Variants in SMAD5 observed in about 807,000 individuals in gnomAD.
SMAD5 encodes SMAD family member 5, also known as MAD, mothers against decapentaplegic homolog 5.
In SMAD5, 9 loss-of-function variants were observed where a neutral mutation model predicts 43.1. That is an observed-to-expected ratio of 0.21 (90% CI 0.13 to 0.36). The LOEUF (loss-of-function observed/expected upper bound fraction) is 0.36. Ranked by LOEUF, SMAD5 falls within the 10% of genes least tolerant of loss-of-function variation. The probability of loss-of-function intolerance (pLI) is 1.00; values close to 1 mark genes in which losing one functional copy is unlikely to be tolerated. For missense variants in SMAD5, 348 were observed against 574.0 expected, an observed-to-expected ratio of 0.61 and a Z score of 4.02; for synonymous variants, 190 against 192.4, an observed-to-expected ratio of 0.99 and a Z score of 0.10.
chr5:136,139,768 T>C (rs1322039303), intron 1 of SMAD5, among the ~76,000 whole-genome samples: 1 of 152,200 alleles, frequency 6.6e-6, no homozygotes, highest in Admixed American at 6.5e-5. Context: ...TGATCTTGGC[T>C]CACTGCTACC....
rs78373178 is a variant in SMAD5, at chr5:136,141,347, G to A, written c.-244-6485G>A. 1.5e-3 allele frequency among the ~76,000 whole-genome samples: 227 copies of A among 152,284 alleles called. 3 individuals are homozygous for A. Among genetic ancestry groups the A allele is most frequent in the African/African-American group, 5.2e-3 (216 of 41,572 alleles). Reference sequence around the variant, plus strand: ...CATTTGTAGTAACAGGACACACTGTGAAAAGTGCTAGATACCTGGATTACA... The same window carrying A: ...CATTTGTAGTAACAGGACACACTGTAAAAAGTGCTAGATACCTGGATTACA... On this transcript the variant is annotated intron_variant, in intron 1 of 7. Transcript: ENST00000545279.
rs1210854836 is a variant in SMAD5, at chr5:136,178,161, A to C, written c.*681A>C. The C allele has an allele frequency of 1.3e-5, 2 of 152,746 alleles. No individual in the cohort carries two copies. Among genetic ancestry groups the C allele is most frequent in the Non-Finnish European group, 2.9e-5 (2 of 68,030 alleles). The allele number at this position is 152,746 out of a possible 1,614,324, so 9.5% of individuals were successfully genotyped here. On this transcript the variant is annotated 3_prime_UTR_variant, in exon 8 of 8. Coordinates refer to ENST00000545279, the MANE Select transcript of SMAD5 (RefSeq NM_005903.7). ...GTAAGACATTTCCTTTTTTAAAAAA[A>C]TTTTTGCAAATAACTGATCTCAAGT...
rs1172212054 is a variant in SMAD5, at chr5:136,180,726, A to G, written c.*3246A>G. The G allele has an allele frequency of 6.6e-6, 1 of 152,172 alleles. No individual in the cohort carries two copies. Among genetic ancestry groups the G allele is most frequent in the Non-Finnish European group, 1.5e-5 (1 of 67,980 alleles). 9.4% of individuals were successfully genotyped at this position (152,172 alleles called of 1,614,324 possible). A position where few individuals can be genotyped will look rare whatever the true frequency, so the allele number is the denominator to read the frequency against. On this transcript the variant is annotated 3_prime_UTR_variant, in exon 8 of 8. Transcript: ENST00000545279. ...GTATTGTTGCTATATAAAAAAAATA[A>G]TAGAATTGGTTGGGTTTCTGAGGTG...
intron 1 of SMAD5, among the ~76,000 whole-genome samples, chr5:136,137,017 ATTT>A (rs60239443): frequency 1.0e-3 from 113 of 108,982 alleles, no homozygotes; most frequent in African/African-American, 1.2e-3. Flanking sequence ...TTTAGTTTTG[ATTT>A]TTTTTTTTTT....
At chr5:136,158,983 A>G (rs1284109946) in intron 3 of SMAD5, among the ~76,000 whole-genome samples, 5 of 152,196 alleles carry the variant, frequency 3.3e-5, no homozygotes, top group East Asian at 1.9e-4. Flanking sequence ...AATAGTAATG[A>G]TAGGCGTTTA....
chr5:136,147,110 A>C (rs556640664), intron 1 of SMAD5, among the ~76,000 whole-genome samples: 1 of 151,754 alleles, frequency 6.6e-6, no homozygotes, highest in Non-Finnish European at 1.5e-5. Flanking sequence ...AAAGTGGTAC[A>C]TTGTCTCATC....
At chr5:136,155,881 A>G (rs968002330) in intron 3 of SMAD5, among the ~76,000 whole-genome samples, 1 of 152,174 alleles carries the variant, frequency 6.6e-6, no homozygotes, top group Admixed American at 6.5e-5. Context: ...GATGCTCAGT[A>G]AATTTTTTTT....
chr5:136,135,988 C>G (rs1448106790), intron 1 of SMAD5, among the ~76,000 whole-genome samples: 2 of 152,164 alleles, frequency 1.3e-5, no homozygotes, highest in Non-Finnish European at 1.5e-5. Context: ...GTAAGATTCC[C>G]TTTTATAAGG....
In SMAD5 at chr5:136,181,024, A is replaced by G. The variant is rs1031043147; in HGVS notation, c.*3544A>G. 1.3e-5 allele frequency: 2 copies of G among 152,134 alleles called. No homozygotes were observed. Among genetic ancestry groups the G allele is most frequent in the African/African-American group, 4.8e-5 (2 of 41,456 alleles). The allele number at this position is 152,134 out of a possible 1,614,324, so 9.4% of individuals were successfully genotyped here. A position where few individuals can be genotyped will look rare whatever the true frequency, so the allele number is the denominator to read the frequency against. ...TTGGAAGAGAATGTTTATACAAAAAATGAAATTCTTCCAACAGCAGAGAAA... is the reference window on the plus strand; with the variant it reads ...TTGGAAGAGAATGTTTATACAAAAAGTGAAATTCTTCCAACAGCAGAGAAA... On this transcript the variant is annotated 3_prime_UTR_variant, in exon 8 of 8. Coordinates refer to ENST00000545279, the MANE Select transcript of SMAD5 (RefSeq NM_005903.7).
intron 1 of SMAD5, among the ~76,000 whole-genome samples, chr5:136,147,068 A>G (rs1163094577): frequency 6.6e-6 from 1 of 151,644 alleles, no homozygotes; most frequent in African/African-American, 2.4e-5. Context: ...TATACTTAGG[A>G]AAAATATTTT....
At chr5:136,174,289 A>T in intron 6 of SMAD5, 87 bp from the exon 7 acceptor site, 2 of 1,266,624 alleles carry the variant, frequency 1.6e-6, no homozygotes, top group Non-Finnish European at 2.2e-6. Context: ...CTGTGGATTA[A>T]TGGGTACTTT....
intron 7 of SMAD5, among the ~76,000 whole-genome samples, chr5:136,175,542 T>G (rs1297783052): frequency 2.0e-5 from 3 of 152,218 alleles, no homozygotes; most frequent in Non-Finnish European, 2.9e-5. Context: ...CTGACTGTAT[T>G]GACATTCCAA....
At position 136,180,874 on chromosome 5, in the gene SMAD5, AT is replaced by A. The variant is rs1754602011; in HGVS notation, c.*3396del. 6.6e-6 allele frequency: 1 copy of A among 152,114 alleles called. No homozygotes were observed. Among genetic ancestry groups the A allele is most frequent in the Non-Finnish European group, 1.5e-5 (1 of 67,952 alleles). The allele number at this position is 152,114 out of a possible 1,614,324, so 9.4% of individuals were successfully genotyped here. ...AAGATATCCTTCAGGATGTGAAGTG[AT>A]TATTAAGTACTCATACCTGAAATCT... On this transcript the variant is annotated 3_prime_UTR_variant, in exon 8 of 8. Coordinates refer to ENST00000545279, the MANE Select transcript of SMAD5 (RefSeq NM_005903.7).
chr5:136,148,810 A>G (rs1187327981), intron 2 of SMAD5, among the ~76,000 whole-genome samples: 1 of 151,870 alleles, frequency 6.6e-6, no homozygotes, highest in Non-Finnish European at 1.5e-5. Context: ...ATGGTTCATA[A>G]GCCATTATGG....
At chr5:136,168,368 T>G (rs1397315687) in intron 5 of SMAD5, among the ~76,000 whole-genome samples, 1 of 151,044 alleles carries the variant, frequency 6.6e-6, no homozygotes, top group Non-Finnish European at 1.5e-5. Context: ...TATACCTCTA[T>G]TTACCCAAAG....
rs1188057074 is a variant in SMAD5, at chr5:136,180,619, C to CTTA, written c.*3139_*3140insTTA. On this transcript the variant is annotated 3_prime_UTR_variant, in exon 8 of 8. Coordinates refer to ENST00000545279, the MANE Select transcript of SMAD5 (RefSeq NM_005903.7). The stretch of plus-strand genomic sequence containing the variant: ...GTGTTATTGATCTGCTAAAACTAAC[C>CTTA]CTCTTTTTAAGAGGAGATTTAAGGA... The CTTA allele has an allele frequency of 6.6e-6, 1 of 152,016 alleles. No individual in the cohort carries two copies. The highest frequency in any genetic ancestry group is 6.6e-5 in the Admixed American group (1 of 15,262). 9.4% of individuals were successfully genotyped at this position (152,016 alleles called of 1,614,324 possible).
Position 136,174,491 on chromosome 5 carries a change from C to G in SMAD5, c.1113C>G (p.Val371=), listed in dbSNP as rs1166923730. ...ATCATGGCTTTCATCCCACCACTGT[C>G]TGTAAGATTCCCAGCAGCTGCAGCC... ...NFHHGFHPTT[V]CKIPSSCSLK... Residue 371 remains valine, a synonymous_variant, in exon 7 of 8, where the codon GTC becomes GTG. Coordinates refer to ENST00000545279, the MANE Select transcript of SMAD5 (RefSeq NM_005903.7). 1.9e-6 allele frequency: 3 copies of G among 1,613,956 alleles called. No individual in the cohort carries two copies. The highest frequency in any genetic ancestry group is 1.7e-5 in the Admixed American group (1 of 60,020).
At chr5:136,147,157 TAA>T (rs1406375780) in intron 1 of SMAD5, among the ~76,000 whole-genome samples, 2 of 151,852 alleles carry the variant, frequency 1.3e-5, no homozygotes, top group East Asian at 3.9e-4. Flanking sequence ...ATAAGTGTGC[TAA>T]AAATGTCCTA....
chr5:136,134,057 T>TGG, intron 1 of SMAD5: 1 of 16,590 alleles, frequency 6.0e-5, no homozygotes. Context: ...GGGGGGGTGT[T>TGG]GCGGGGGGAG....
Sources: allele counts gnomAD v4.1 joint callset (sites outside exome capture counted in the v4.1 genomes callset), GRCh38; gene constraint gnomAD v4.1.1; transcripts MANE v1.5; gene names NCBI Gene and HGNC (gene_info 2026-07-23, HGNC 2026-07-21).